SYNPR: variants seen among roughly 807,000 people sequenced by gnomAD.
SYNPR encodes synaptoporin.
SYNPR carries 23 observed loss-of-function variants against 32.9 expected under a neutral mutation model. The observed-to-expected ratio is 0.70, with a 90% CI of 0.50 to 0.99. SYNPR has a LOEUF of 0.99. Among genes scored for constraint, SYNPR ranks in the 50% least tolerant of loss-of-function variants. The pLI is 0.00. For missense variants in SYNPR, 318 were observed against 349.3 expected (o/e 0.91, Z 0.71); for synonymous variants, 146 against 135.9 (o/e 1.07, Z -0.52).
At chr3:63,432,683 G>A (rs796285348) in intron 2 of SYNPR, among the ~76,000 whole-genome samples, 4 of 152,188 alleles carry the variant, frequency 2.6e-5, no homozygotes, top group African/African-American at 9.6e-5. Context: ...AGGGAGAGAT[G>A]GTCCTGAGGC....
intron 3 of SYNPR, among the ~76,000 whole-genome samples, chr3:63,524,792 C>A (rs1172179889): frequency 6.6e-6 from 1 of 150,502 alleles, no homozygotes; most frequent in Admixed American, 6.6e-5. Context: ...CAGCAGATTC[C>A]AAGTATGGAG....
chr3:63,566,176 A>C (rs557324395), intron 4 of SYNPR, among the ~76,000 whole-genome samples: 19 of 152,244 alleles, frequency 1.2e-4, no homozygotes, highest in African/African-American at 4.3e-4. Flanking sequence ...GAGCCAATTA[A>C]ATATTTCCTA....
At chr3:63,372,809 G>T (rs1407571760) in intron 2 of SYNPR, among the ~76,000 whole-genome samples, 1 of 152,188 alleles carries the variant, frequency 6.6e-6, no homozygotes. Flanking sequence ...AAGATCTGCA[G>T]CTAGCACTTG....
the SYNPR span, among the ~76,000 whole-genome samples, chr3:63,203,604 T>C: frequency 6.6e-6 from 1 of 152,200 alleles, no homozygotes; most frequent in African/African-American, 2.4e-5. Flanking sequence ...CATTCTTGCC[T>C]CCTTCCAATT....
At position 63,474,816 on chromosome 3, in the gene SYNPR, AT is replaced by A. The variant is rs200008471; in HGVS notation, c.85-6014del. Among the ~76,000 whole-genome samples, 1,152 of 152,206 alleles carry A rather than the reference AT, an allele frequency of 7.6e-3. 15 individuals carry two copies. The highest frequency in any genetic ancestry group is 0.025 in the African/African-American group (1,050 of 41,508). On this transcript the variant is annotated intron_variant, in intron 2 of 5. Transcript: ENST00000478300. The stretch of plus-strand genomic sequence containing the variant: ...TCTCCTGACTCTTGTTTCTTCCAGG[AT>A]TGGTACATGAAGGTTGTGTACCAGG...
intron 1 of SYNPR, among the ~76,000 whole-genome samples, chr3:63,245,043 C>A (rs2086274023): frequency 6.6e-6 from 1 of 152,102 alleles, no homozygotes; most frequent in Admixed American, 6.6e-5. Context: ...CGTTTTCTGC[C>A]ATGGCTATCT....
At chr3:63,494,437 A>ACG (rs1701324364) in intron 3 of SYNPR, among the ~76,000 whole-genome samples, 2 of 126,830 alleles carry the variant, frequency 1.6e-5, no homozygotes, top group Non-Finnish European at 3.3e-5. Context: ...ATATATACGT[A>ACG]TATATATATA....
intron 2 of SYNPR, among the ~76,000 whole-genome samples, chr3:63,303,960 A>C (rs191646677): frequency 1.3e-5 from 2 of 152,010 alleles, no homozygotes; most frequent in Non-Finnish European, 1.5e-5. Context: ...GGCTAAAATC[A>C]TACTGTTGCC....
intron 2 of SYNPR, among the ~76,000 whole-genome samples, chr3:63,395,905 A>G (rs1203875017): frequency 6.6e-6 from 1 of 151,986 alleles, no homozygotes; most frequent in Non-Finnish European, 1.5e-5. Flanking sequence ...AAAACATTCC[A>G]TTTTACTTAA....
chr3:63,512,823 A>C (rs144213383), intron 3 of SYNPR, among the ~76,000 whole-genome samples: 1 of 152,272 alleles, frequency 6.6e-6, no homozygotes, highest in East Asian at 1.9e-4. Flanking sequence ...TTTTTAAGCC[A>C]CTAAGTTTGT....
intron 2 of SYNPR, among the ~76,000 whole-genome samples, chr3:63,390,348 A>T (rs2088115472): frequency 6.6e-6 from 1 of 152,220 alleles, no homozygotes; most frequent in Non-Finnish European, 1.5e-5. Context: ...CCAGGAAAGG[A>T]GGAATGAATG....
intron 2 of SYNPR, among the ~76,000 whole-genome samples, chr3:63,392,584 T>C (rs1009040882): frequency 4.6e-5 from 7 of 152,178 alleles, no homozygotes; most frequent in African/African-American, 1.7e-4. Context: ...TGCAAAGTGC[T>C]GAACACACAG....
intron 2 of SYNPR, among the ~76,000 whole-genome samples, chr3:63,289,096 G>A (rs567275173): frequency 6.6e-6 from 1 of 151,958 alleles, no homozygotes; most frequent in Non-Finnish European, 1.5e-5. Flanking sequence ...AGCAGTGTCT[G>A]GTCTATACCA....
rs924416074 is a variant in SYNPR at position 63,616,786 on chromosome 3, G to A, written c.*1305G>A. 1 of 152,572 alleles carries A rather than the reference G, an allele frequency of 6.6e-6. No homozygotes were observed. Among genetic ancestry groups the A allele is most frequent in the Admixed American group, 6.5e-5 (1 of 15,278 alleles). The allele number at this position is 152,572 out of a possible 1,614,324, so 9.5% of individuals were successfully genotyped here. A position where few individuals can be genotyped will look rare whatever the true frequency, so the allele number is the denominator to read the frequency against. On this transcript the variant is annotated 3_prime_UTR_variant, in exon 6 of 6. Transcript: ENST00000478300. ...TGTTATTGATGTATAAACTCGTTGC[G>A]TGATTAGTGATGTTGGAAGCATTTT...
upstream of SYNPR, among the ~76,000 whole-genome samples, chr3:63,226,234 T>C (rs780400104): frequency 2.6e-5 from 4 of 152,110 alleles, no homozygotes; most frequent in Non-Finnish European, 4.4e-5. Context: ...AAAAGGGAAC[T>C]CTTATACATT....
chr3:63,342,468 T>C (rs982176948), intron 2 of SYNPR, among the ~76,000 whole-genome samples: 2 of 152,240 alleles, frequency 1.3e-5, no homozygotes, highest in Non-Finnish European at 2.9e-5. Flanking sequence ...GAATAAATCC[T>C]ACTTGGTCAT....
intron 1 of SYNPR, among the ~76,000 whole-genome samples, chr3:63,238,199 C>G (rs9878015): frequency 0.23 from 35,297 of 151,968 alleles, 4,408 homozygotes; most frequent in South Asian, 0.39. Context: ...TCAGCATTCA[C>G]CTTTGGTTGT....
chr3:63,335,239 GCTAC>G (rs2087275852), intron 2 of SYNPR, among the ~76,000 whole-genome samples: 1 of 151,622 alleles, frequency 6.6e-6, no homozygotes, highest in Non-Finnish European at 1.5e-5. Context: ...TGTAGTCCCA[GCTAC>G]TCGGGAGGCT....
At chr3:63,531,743 C>A (rs1040314275) in intron 3 of SYNPR, among the ~76,000 whole-genome samples, 4 of 152,150 alleles carry the variant, frequency 2.6e-5, no homozygotes, top group Admixed American at 6.6e-5. Flanking sequence ...GCCCTGGGAA[C>A]AAATGAGGAT....
Sources: allele counts gnomAD v4.1 joint callset (sites outside exome capture counted in the v4.1 genomes callset), GRCh38; gene constraint gnomAD v4.1.1; transcripts MANE v1.5; gene names NCBI Gene and HGNC (gene_info 2026-07-23, HGNC 2026-07-21).